The following GRK7 variants were observed in gnomAD, a reference collection of about 807,000 sequenced individuals.
The protein encoded by GRK7 is rhodopsin kinase GRK7.
GRK7 carries 24 observed loss-of-function variants against 34.1 expected under a neutral mutation model. The observed-to-expected ratio is 0.70, with a 90% CI of 0.51 to 0.99. The LOEUF (loss-of-function observed/expected upper bound fraction) is 0.99. Among genes scored for constraint, GRK7 ranks in the 50% least tolerant of loss-of-function variants. GRK7 has a pLI of 0.00. For synonymous variants in GRK7, 256 were observed against 279.4 expected (o/e 0.92, Z 0.84); for missense variants, 644 against 707.3 (o/e 0.91, Z 1.02).
chr3:141,800,519 T>C (rs1343876329), intron 4 of GRK7, among the ~76,000 whole-genome samples: 1 of 152,072 alleles, frequency 6.6e-6, no homozygotes, highest in Non-Finnish European at 1.5e-5. Context: ...TTATTATCTT[T>C]TGAGATTAAA....
At chr3:141,805,004 ACACACACTCATACACC>A (rs543468892) in intron 4 of GRK7, among the ~76,000 whole-genome samples, 2 of 151,200 alleles carry the variant, frequency 1.3e-5, no homozygotes, top group Non-Finnish European at 3.0e-5. Flanking sequence ...ACATACACTC[ACACACACTCATACACC>A]CACACACGCA....
chr3:141,771,634 A>G (rs933270696), intron 1 of GRK7, among the ~76,000 whole-genome samples: 1 of 152,204 alleles, frequency 6.6e-6, no homozygotes, highest in African/African-American at 2.4e-5. Context: ...AAACGCCTAG[A>G]CTTCATCATT....
intron 4 of GRK7, among the ~76,000 whole-genome samples, chr3:141,781,440 G>A (rs1053263266): frequency 9.2e-5 from 14 of 151,812 alleles, no homozygotes; most frequent in Non-Finnish European, 2.9e-5. Context: ...GGGAGGTTGA[G>A]GCAGGAGAAT....
In GRK7 at chr3:141,780,675, T is replaced by C. The variant is rs1282860557; in HGVS notation, c.914T>C (p.Leu305Pro). 4.3e-6 allele frequency: 7 copies of C among 1,614,218 alleles called. No homozygotes were observed. The highest frequency in any genetic ancestry group is 5.9e-6 in the Non-Finnish European group (7 of 1,180,042). ...FYSAQIACGM[L>P]HLHELGIVYR... ...TCGGCCCAGATAGCCTGTGGGATGC[T>C]GCACCTCCATGAACTCGGCATCGTC... Residue 305 changes from leucine (L) to proline (P), a missense_variant, in exon 4 of 6, where the codon CTG becomes CCG. Leu to Pro is a moderately conservative substitution (Grantham distance 98). Coordinates refer to ENST00000682958, the MANE Select transcript of GRK7 (RefSeq NM_139209.3).
intron 4 of GRK7, among the ~76,000 whole-genome samples, chr3:141,783,194 T>C (rs2084679949): frequency 6.6e-6 from 1 of 152,174 alleles, no homozygotes; most frequent in South Asian, 2.1e-4. Flanking sequence ...TCCAACAGCT[T>C]TCACTTAGAT....
Position 141,818,075 on chromosome 3 carries a change from C to A in GRK7, c.*1025C>A, listed in dbSNP as rs1339079854. 2.6e-5 allele frequency: 4 copies of A among 152,224 alleles called. No homozygotes were observed. Among genetic ancestry groups the A allele is most frequent in the Non-Finnish European group, 4.4e-5 (3 of 68,048 alleles). The allele number at this position is 152,224 out of a possible 1,614,324, so 9.4% of individuals were successfully genotyped here. On this transcript the variant is annotated 3_prime_UTR_variant, in exon 6 of 6. Coordinates refer to ENST00000682958, the MANE Select transcript of GRK7 (RefSeq NM_139209.3). ...TGCAGTATAAATGAAACAAGACAGT[C>A]TATTCATCTTATGGCTTCTCTTGTC...
At chr3:141,786,733 A>C (rs2084698288) in intron 4 of GRK7, among the ~76,000 whole-genome samples, 1 of 151,862 alleles carries the variant, frequency 6.6e-6, no homozygotes, top group Non-Finnish European at 1.5e-5. Context: ...AGCCAAGATC[A>C]CGCCACTGCA....
chr3:141,756,532 A>G, the GRK7 span, among the ~76,000 whole-genome samples: 1 of 152,200 alleles, frequency 6.6e-6, no homozygotes, highest in Non-Finnish European at 1.5e-5. Context: ...GGAAAAGGGC[A>G]TGGGAAACTT....
upstream of GRK7, among the ~76,000 whole-genome samples, chr3:141,760,877 CTTT>C (rs1374822691): frequency 8.8e-5 from 5 of 57,132 alleles, no homozygotes; most frequent in Admixed American, 1.9e-4. Flanking sequence ...TAATGGCCTT[CTTT>C]GTCTCTTTTG....
In GRK7 at chr3:141,764,410, C is replaced by T. The variant is rs1423302175; in HGVS notation, c.-1543C>T. Among the ~76,000 whole-genome samples the T allele has an allele frequency of 6.6e-6, 1 of 152,170 alleles. No individual in the cohort carries two copies. Among genetic ancestry groups the T allele is most frequent in the African/African-American group, 2.4e-5 (1 of 41,440 alleles). The stretch of plus-strand genomic sequence containing the variant: ...CTCTTGTCAAGCATCTGCGTGACCT[C>T]CAAGTTGTTAAATTCACTGACCAAT... On this transcript the variant is annotated 5_prime_UTR_variant, in exon 1 of 6. Coordinates refer to ENST00000682958, the MANE Select transcript of GRK7 (RefSeq NM_139209.3).
chr3:141,767,311 T>G (rs1265693882), intron 1 of GRK7, among the ~76,000 whole-genome samples: 1 of 152,206 alleles, frequency 6.6e-6, no homozygotes, highest in East Asian at 1.9e-4. Context: ...CATTATCAAT[T>G]GGAACAGAGC....
chr3:141,815,159 A>G (rs1711138811), intron 5 of GRK7, among the ~76,000 whole-genome samples: 1 of 152,050 alleles, frequency 6.6e-6, no homozygotes, highest in Non-Finnish European at 1.5e-5. Flanking sequence ...TCCTGAGCTC[A>G]GGCAATCTGC....
At chr3:141,752,773 T>C in the GRK7 span, among the ~76,000 whole-genome samples, 1 of 152,138 alleles carries the variant, frequency 6.6e-6, no homozygotes, top group Admixed American at 6.5e-5. Flanking sequence ...TTCCCAAAAC[T>C]CAGATGTCAA....
chr3:141,763,313 A>T (rs1055097861), upstream of GRK7, among the ~76,000 whole-genome samples: 2 of 152,200 alleles, frequency 1.3e-5, no homozygotes, highest in Non-Finnish European at 2.9e-5. Context: ...AAAGCATAGG[A>T]GCTCTGGAGT....
chr3:141,783,791 A>T (rs992171508), intron 4 of GRK7, among the ~76,000 whole-genome samples: 9 of 152,170 alleles, frequency 5.9e-5, no homozygotes, highest in Admixed American at 3.9e-4. Context: ...GAAAGACAGT[A>T]GATGATGGCA....
Position 141,772,256 on chromosome 3 carries a change from G to A in GRK7, c.-214-2324G>A, listed in dbSNP as rs145915036. Among the ~76,000 whole-genome samples, 587 of 151,962 alleles carry A rather than the reference G, an allele frequency of 3.9e-3. 8 individuals are homozygous for A. The highest frequency in any genetic ancestry group is 0.013 in the African/African-American group (559 of 41,434). ...ATTACAGGCATGCGCCACCATGCGC[G>A]GCTAATTTTTGTATTTTTAGTAGAG... On this transcript the variant is annotated intron_variant, in intron 1 of 5. Coordinates refer to ENST00000682958, the MANE Select transcript of GRK7 (RefSeq NM_139209.3).
intron 4 of GRK7, among the ~76,000 whole-genome samples, chr3:141,801,081 C>A (rs1043233162): frequency 6.6e-6 from 1 of 151,886 alleles, no homozygotes; most frequent in Non-Finnish European, 1.5e-5. Flanking sequence ...GAGGCCGAGG[C>A]GGGCGGATCA....
rs754229677 is a variant in GRK7, at chr3:141,765,646, C to T, written c.-307C>T. On this transcript the variant is annotated 5_prime_UTR_variant, in exon 1 of 6. Coordinates refer to ENST00000682958, the MANE Select transcript of GRK7 (RefSeq NM_139209.3). Reference sequence around the variant, plus strand: ...TGCTTTGAGGAAGCCCAGGAGGAAACACTGCAGAGAGGCTCAACCACCCCA... The same window carrying T: ...TGCTTTGAGGAAGCCCAGGAGGAAATACTGCAGAGAGGCTCAACCACCCCA... 4.6e-5 allele frequency among the ~76,000 whole-genome samples: 7 copies of T among 152,076 alleles called. No individual in the cohort carries two copies. Among genetic ancestry groups the T allele is most frequent in the African/African-American group, 9.7e-5 (4 of 41,386 alleles).
intron 4 of GRK7, among the ~76,000 whole-genome samples, chr3:141,803,922 G>C (rs906508379): frequency 1.1e-4 from 6 of 53,824 alleles, no homozygotes; most frequent in African/African-American, 2.7e-4. Flanking sequence ...ATGTTGACCA[G>C]GCTGGTCTCA....
Sources: gnomAD v4.1 joint callset for allele counts (sites outside exome capture counted in the v4.1 genomes callset) on GRCh38, gnomAD v4.1.1 for gene constraint, MANE v1.5 for transcripts, NCBI Gene and HGNC (gene_info 2026-07-23, HGNC 2026-07-21) for gene names.